The following C17orf99 variants were observed in gnomAD, a reference collection of about 807,000 sequenced individuals.
The protein encoded by C17orf99 is chromosome 17 open reading frame 99.
C17orf99 carries 18 observed loss-of-function variants against 22.6 expected under a neutral mutation model. The ratio of observed to expected loss-of-function variants is 0.80; its 90% CI spans 0.55 to 1.18. The LOEUF (loss-of-function observed/expected upper bound fraction) is 1.18, where lower values mean the gene tolerates loss of function less well. Among genes scored for constraint, C17orf99 ranks in the 50% most tolerant of loss-of-function variants. C17orf99 has a pLI of 0.00. For synonymous variants in C17orf99, 147 were observed against 136.6 expected (o/e 1.08, Z -0.53); for missense variants, 328 against 342.7 (o/e 0.96, Z 0.34).
intron 2 of C17orf99, among the ~76,000 whole-genome samples, chr17:78,147,749 T>C (rs2075447653): frequency 6.6e-6 from 1 of 152,190 alleles, no homozygotes; most frequent in Non-Finnish European, 1.5e-5. Flanking sequence ...CTCACTTGAA[T>C]GAGGCCCAGG....
chr17:78,156,332 GAAAAAAA>G lies in C17orf99; in HGVS notation c.71-4607_71-4601del, dbSNP rs769438256. On this transcript the variant is annotated intron_variant, in intron 2 of 4. Transcript: ENST00000340363. ...GTGACAGAGCAAAACTCCTTCTCCA[GAAAAAAA>G]AAAAAAAAAAAAAAAGAATCAGCAA... 5.7e-4 allele frequency among the ~76,000 whole-genome samples: 36 copies of G among 63,386 alleles called. No individual in the cohort carries two copies. In the East Asian group the frequency reaches 8.2e-3, roughly 15 times the overall value. The allele number at this position is 63,386 out of a possible 152,430, so 41.6% of individuals were successfully genotyped here. A position where few individuals can be genotyped will look rare whatever the true frequency, so the allele number is the denominator to read the frequency against.
At chr17:78,156,332 G>GAAAAAAAAAAAAAAAAAA (rs769438256) in intron 2 of C17orf99, among the ~76,000 whole-genome samples, 1 of 63,390 alleles carries the variant, frequency 1.6e-5, no homozygotes. Flanking sequence ...TCCTTCTCCA[G>GAAAAAAAAAAAAAAAAAA]AAAAAAAAAA....
intron 2 of C17orf99, among the ~76,000 whole-genome samples, chr17:78,149,217 A>C (rs1187614548): frequency 6.6e-6 from 1 of 151,734 alleles, no homozygotes; most frequent in Non-Finnish European, 1.5e-5. Flanking sequence ...CTGTAATCCC[A>C]GCTACTCGGG....
At chr17:78,157,610 A>T (rs1202473934) in intron 2 of C17orf99, 1 of 506,214 alleles carries the variant, frequency 2.0e-6, no homozygotes, top group East Asian at 5.2e-5. Context: ...CATCCTGGCT[A>T]AAATGGTGAA....
intron 4 of C17orf99, chr17:78,165,015 G>A (rs1164793277): frequency 1.8e-6 from 2 of 1,082,216 alleles, no homozygotes; most frequent in African/African-American, 3.4e-5. Flanking sequence ...AGGTGGACCA[G>A]GAGCTCCTGC....
intron 4 of C17orf99, 45 bp from the exon 5 acceptor site, chr17:78,165,844 T>C: frequency 7.8e-7 from 1 of 1,284,182 alleles, no homozygotes; most frequent in Non-Finnish European, 1.0e-6. Context: ...AGGGGATGGC[T>C]GGGAGGTGAG....
At chr17:78,155,065 CTGTAGG>C (rs1274568245) in intron 2 of C17orf99, among the ~76,000 whole-genome samples, 1 of 151,618 alleles carries the variant, frequency 6.6e-6, no homozygotes, top group Admixed American at 6.6e-5. Context: ...TGACTGTGCA[CTGTAGG>C]ATGCTTTGCG....
chr17:78,155,036 C>G (rs1455446466), intron 2 of C17orf99, among the ~76,000 whole-genome samples: 3 of 151,936 alleles, frequency 2.0e-5, no homozygotes, highest in Non-Finnish European at 4.4e-5. Context: ...GAGGCCAGAC[C>G]ATTCTTCGCG....
Position 78,146,416 on chromosome 17 carries a change from C to T in C17orf99, c.9C>T (p.Leu3=). The T allele has an allele frequency of 6.5e-7, 1 of 1,550,380 alleles. No individual in the cohort carries two copies. Among genetic ancestry groups the T allele is most frequent in the Admixed American group, 2.0e-5 (1 of 50,980 alleles). ...CCTACACCCACCGAGGCATGGGGCT[C>T]CCTGGGCTGTTCTGCTTGGCCGTGC... MG[L]PGLFCLAVLA... is the part of the protein sequence containing the mutation. The change falls in exon 1 of 5, where the codon CTC becomes CTT. Residue 3 remains leucine (L), a synonymous_variant. Transcript: ENST00000340363. The surrounding 1 kb of genome is among the most constrained non-coding windows in gnomAD (Gnocchi z 5.2).
chr17:78,165,450 G>A, intron 4 of C17orf99: 1 of 985,484 alleles, frequency 1.0e-6, no homozygotes, highest in Non-Finnish European at 1.2e-6. Flanking sequence ...TTCATTTAGT[G>A]GGGTGAGTAA....
intron 4 of C17orf99, chr17:78,165,001 A>C: frequency 9.2e-7 from 1 of 1,088,268 alleles, no homozygotes; most frequent in Non-Finnish European, 1.1e-6. Context: ...CCTCCAGGAG[A>C]CCAAGGTGGA....
chr17:78,147,038 C>T, intron 2 of C17orf99, 127 bp downstream of exon 2: 1 of 783,450 alleles, frequency 1.3e-6, no homozygotes. Context: ...TGGAGGATGG[C>T]TGGACAGTTC....
rs35349689 is a variant in C17orf99 at position 78,162,273 on chromosome 17, C to CA, written c.370+1039dup. 4.2e-3 allele frequency among the ~76,000 whole-genome samples: 393 copies of CA among 93,346 alleles called. 6 individuals carry two copies. The highest frequency in any genetic ancestry group is 0.025 in the Middle Eastern group (4 of 158). 61.2% of individuals were successfully genotyped at this position (93,346 alleles called of 152,430 possible). On this transcript the variant is annotated intron_variant, in intron 3 of 4. Coordinates refer to ENST00000340363, the MANE Select transcript of C17orf99 (RefSeq NM_001163075.2). ...CCTGGGTGACAGCGTAAGACTATCT[C>CA]AAAAAAAAAAAAAAAAAAAAGTCGC...
intron 2 of C17orf99, among the ~76,000 whole-genome samples, chr17:78,150,889 G>T (rs921180704): frequency 1.3e-5 from 2 of 152,176 alleles, no homozygotes; most frequent in African/African-American, 2.4e-5. Flanking sequence ...TTGGGAGGCC[G>T]AGGTAGGCGG....
chr17:78,165,289 C>G (rs1025980886), intron 4 of C17orf99: 16 of 986,158 alleles, frequency 1.6e-5, no homozygotes, highest in Non-Finnish European at 1.8e-5. Context: ...GCCCGTGGCC[C>G]AGGCCCTTAC....
chr17:78,149,790 A>G (rs1598940568), intron 2 of C17orf99, among the ~76,000 whole-genome samples: 1 of 151,180 alleles, frequency 6.6e-6, no homozygotes, highest in Admixed American at 6.6e-5. Context: ...GCTCACTGCA[A>G]CCTCCACCTC....
In C17orf99 at chr17:78,165,071, G is replaced by C. The variant is rs949622607; in HGVS notation, c.640+707G>C. ...GGCAGTCTTTCCGAGGTGGTGGCAA[G>C]AGCCTGGGGCCCAGCCTCCCAGGGT... On this transcript the variant is annotated intron_variant, in intron 4 of 4. Coordinates refer to ENST00000340363, the MANE Select transcript of C17orf99 (RefSeq NM_001163075.2). The C allele has an allele frequency of 9.5e-6, 10 of 1,053,248 alleles. 1 individual carries two copies. The highest frequency in any genetic ancestry group is 8.9e-4 in the Middle Eastern group (2 of 2,240). The allele number at this position is 1,053,248 out of a possible 1,614,324, so 65.2% of individuals were successfully genotyped here.
At chr17:78,150,977 G>C (rs533899193) in intron 2 of C17orf99, among the ~76,000 whole-genome samples, 1 of 151,750 alleles carries the variant, frequency 6.6e-6, no homozygotes, top group African/African-American at 2.4e-5. Flanking sequence ...ACAAACATTA[G>C]CCAGGCTTGG....
At chr17:78,158,195 G>C (rs2075543424) in intron 2 of C17orf99, 3 of 709,848 alleles carry the variant, frequency 4.2e-6, no homozygotes, top group Non-Finnish European at 7.6e-6. Flanking sequence ...TGCAATCAAG[G>C]CTCCCAGGGT....
Sources: allele counts gnomAD v4.1 joint callset (sites outside exome capture counted in the v4.1 genomes callset), GRCh38; gene constraint gnomAD v4.1.1; non-coding constraint Gnocchi (gnomAD v3.1); transcripts MANE v1.5; gene names NCBI Gene and HGNC (gene_info 2026-07-23, HGNC 2026-07-21).